The following CLMN variants were observed in gnomAD, a reference collection of about 807,000 sequenced individuals.
CLMN encodes calmin (calponin-like, transmembrane).
In CLMN, 57 loss-of-function variants were observed where a neutral mutation model predicts 92.7. The observed-to-expected ratio is 0.61, with a 90% CI of 0.50 to 0.77. The LOEUF is 0.77. Ranked by LOEUF, CLMN falls within the 30% of genes least tolerant of loss-of-function variation. CLMN has a pLI of 0.00. For missense variants in CLMN, 1,158 were observed against 1,237.5 expected (o/e 0.94, Z 0.96); for synonymous variants, 466 against 470.6 (o/e 0.99, Z 0.13).
At chr14:95,264,240 A>C (rs1899377827) in intron 1 of CLMN, among the ~76,000 whole-genome samples, 1 of 151,910 alleles carries the variant, frequency 6.6e-6, no homozygotes, top group East Asian at 1.9e-4. Flanking sequence ...GGATTTCACT[A>C]TGTTGCCCAG....
intron 7 of CLMN, among the ~76,000 whole-genome samples, chr14:95,209,710 T>C (rs1410469890): frequency 6.6e-6 from 1 of 152,220 alleles, no homozygotes; most frequent in Admixed American, 6.5e-5. Context: ...TTCCCAAAAT[T>C]CTGTCCCTTC....
At chr14:95,304,452 G>C (rs1186916307) in intron 1 of CLMN, among the ~76,000 whole-genome samples, 1 of 152,102 alleles carries the variant, frequency 6.6e-6, no homozygotes, top group Non-Finnish European at 1.5e-5. Context: ...AGTGGTGGCA[G>C]GTATCTCTGG....
At position 95,293,175 on chromosome 14, in the gene CLMN, C is replaced by A. The variant is rs541106973; in HGVS notation, c.82+26536G>T. Among the ~76,000 whole-genome samples the A allele has an allele frequency of 7.3e-5, 8 of 108,914 alleles. 1 individual carries two copies. In the South Asian group the frequency reaches 3.6e-3, roughly 49 times the overall value. The allele number at this position is 108,914 out of a possible 152,430, so 71.5% of individuals were successfully genotyped here. A position where few individuals can be genotyped will look rare whatever the true frequency, so the allele number is the denominator to read the frequency against. The stretch of plus-strand genomic sequence containing the variant: ...TCCCTCCTTCCCTCTCTCCTTCCTT[C>A]CCTCCCTCCCTCCTTCTTTCCCCCC... On this transcript the variant is annotated intron_variant, in intron 1 of 12. Coordinates refer to ENST00000298912, the MANE Select transcript of CLMN (RefSeq NM_024734.4).
intron 1 of CLMN, among the ~76,000 whole-genome samples, chr14:95,246,981 C>T (rs1211164010): frequency 6.6e-6 from 1 of 152,174 alleles, no homozygotes; most frequent in Admixed American, 6.5e-5. Context: ...TTTGCACCTG[C>T]CCCCTGGACT....
At chr14:95,229,610 G>C (rs1897819016) in intron 2 of CLMN, among the ~76,000 whole-genome samples, 1 of 152,122 alleles carries the variant, frequency 6.6e-6, no homozygotes, top group Admixed American at 6.5e-5. Flanking sequence ...CAGGATGCCT[G>C]ATGCAGAGTG....
intron 1 of CLMN, among the ~76,000 whole-genome samples, chr14:95,299,224 C>T (rs567937952): frequency 1.3e-5 from 2 of 152,074 alleles, no homozygotes; most frequent in African/African-American, 2.4e-5. Flanking sequence ...CCACCACTGC[C>T]GCAGGCCCTT....
At chr14:95,236,169 G>A (rs1898048412) in intron 1 of CLMN, among the ~76,000 whole-genome samples, 1 of 152,248 alleles carries the variant, frequency 6.6e-6, no homozygotes, top group African/African-American at 2.4e-5. Flanking sequence ...TAAGGAGTCT[G>A]AGGCACAGAG....
chr14:95,258,353 G>C lies in CLMN; in HGVS notation c.83-28220C>G, dbSNP rs115972724. Among the ~76,000 whole-genome samples the C allele has an allele frequency of 7.8e-3, 1,153 of 147,844 alleles. 20 individuals carry two copies. Among genetic ancestry groups the C allele is most frequent in the African/African-American group, 0.027 (1,096 of 40,102 alleles). On this transcript the variant is annotated intron_variant, in intron 1 of 12. Coordinates refer to ENST00000298912, the MANE Select transcript of CLMN (RefSeq NM_024734.4). ...GTGTATGTGTGGTGTGTGGTGTATGGTATGTTTGTGTGGGGGTGTGTATAT... is the reference window on the plus strand; with the variant it reads ...GTGTATGTGTGGTGTGTGGTGTATGCTATGTTTGTGTGGGGGTGTGTATAT...
intron 4 of CLMN, among the ~76,000 whole-genome samples, chr14:95,216,142 ATG>A (rs764133381): frequency 1.3e-5 from 2 of 152,206 alleles, no homozygotes; most frequent in Non-Finnish European, 2.9e-5. Flanking sequence ...CCTCACAATC[ATG>A]GTGGAGGGCG....
intron 9 of CLMN, among the ~76,000 whole-genome samples, chr14:95,201,824 G>C (rs749954449): frequency 1.3e-5 from 2 of 151,418 alleles, no homozygotes; most frequent in Non-Finnish European, 2.9e-5. Flanking sequence ...GTGAGGACAA[G>C]CGGTGTTTGG....
Position 95,187,569 on chromosome 14 carries a change from T to C in CLMN, c.*3995A>G, listed in dbSNP as rs545679216. On this transcript the variant is annotated 3_prime_UTR_variant, in exon 13 of 13. Transcript: ENST00000298912. ...GCTCTGAGGTCCCCTGTCCTTCCCA[T>C]GCAGCCAGATGACCACTGTGCTCCT... 8 of 152,378 alleles carry C rather than the reference T, an allele frequency of 5.3e-5. No individual in the cohort carries two copies. In the South Asian group the frequency reaches 1.2e-3, roughly 24 times the overall value. The allele number at this position is 152,378 out of a possible 1,614,324, so 9.4% of individuals were successfully genotyped here.
intron 3 of CLMN, 113 bp downstream of exon 3, chr14:95,223,647 G>A (rs1483688019): frequency 2.0e-5 from 15 of 756,568 alleles, no homozygotes; most frequent in East Asian, 5.5e-5. Context: ...AAAAGTCACC[G>A]CTTCAGAGTT....
chr14:95,205,286 C>T (rs956732563), intron 8 of CLMN, among the ~76,000 whole-genome samples: 2 of 152,110 alleles, frequency 1.3e-5, no homozygotes, highest in African/African-American at 4.8e-5. Flanking sequence ...CCAAGTTTGA[C>T]ATAAAATAAT....
At chr14:95,267,378 A>G (rs1028219955) in intron 1 of CLMN, among the ~76,000 whole-genome samples, 2 of 152,252 alleles carry the variant, frequency 1.3e-5, no homozygotes, top group Non-Finnish European at 2.9e-5. Context: ...AAAGGACACA[A>G]GTAGACATTT....
chr14:95,253,761 C>T (rs972248114), intron 1 of CLMN, among the ~76,000 whole-genome samples: 6 of 151,994 alleles, frequency 3.9e-5, no homozygotes, highest in Admixed American at 1.3e-4. Flanking sequence ...TACAGGTGCC[C>T]GCCACCACTC....
chr14:95,208,276 G>C (rs930429772), intron 8 of CLMN, among the ~76,000 whole-genome samples: 13 of 152,140 alleles, frequency 8.5e-5, no homozygotes, highest in African/African-American at 2.4e-4. Flanking sequence ...CCTAAGCCAG[G>C]GGCAAGGGTT....
chr14:95,241,753 T>C (rs6575504), intron 1 of CLMN, among the ~76,000 whole-genome samples: 20,670 of 152,204 alleles, frequency 0.14, 2,431 homozygotes, highest in African/African-American at 0.31. Context: ...CTGATCCTTC[T>C]GAAATGCATT....
chr14:95,270,679 T>TTGGA (rs1348526117), intron 1 of CLMN, among the ~76,000 whole-genome samples: 3 of 152,262 alleles, frequency 2.0e-5, no homozygotes, highest in Non-Finnish European at 2.9e-5. Context: ...CAAGTATGAC[T>TTGGA]ATACCACATT....
chr14:95,210,113 C>T (rs1231153172), intron 7 of CLMN, among the ~76,000 whole-genome samples: 1 of 151,932 alleles, frequency 6.6e-6, no homozygotes, highest in Admixed American at 6.6e-5. Context: ...AGTGCAGTGG[C>T]ACGATCTCAG....
Sources: gnomAD v4.1 joint callset for allele counts (sites outside exome capture counted in the v4.1 genomes callset) on GRCh38, gnomAD v4.1.1 for gene constraint, MANE v1.5 for transcripts, NCBI Gene and HGNC (gene_info 2026-07-23, HGNC 2026-07-21) for gene names.